The following ZEB2 variants were observed in gnomAD, a reference collection of about 807,000 sequenced individuals.
ZEB2 encodes zinc finger E-box-binding homeobox 2.
Under a neutral mutation model 99.9 loss-of-function variants are expected in ZEB2, and 6 were observed. The ratio of observed to expected loss-of-function variants is 0.06; its 90% CI spans 0.03 to 0.12. The LOEUF (loss-of-function observed/expected upper bound fraction) is 0.12, where lower values mean the gene tolerates loss of function less well. Among genes scored for constraint, ZEB2 ranks in the 10% least tolerant of loss-of-function variants. The probability of loss-of-function intolerance (pLI) is 1.00; values close to 1 mark genes in which losing one functional copy is unlikely to be tolerated. For synonymous variants in ZEB2, 517 were observed against 542.5 expected (o/e 0.95, Z 0.65); for missense variants, 969 against 1,502.8 (o/e 0.64, Z 5.87).
intron 2 of ZEB2, among the ~76,000 whole-genome samples, chr2:144,485,484 T>C (rs1344599748): frequency 6.6e-6 from 1 of 152,204 alleles, no homozygotes; most frequent in Non-Finnish European, 1.5e-5. Flanking sequence ...TTACCTATGC[T>C]AGTGTTTGGA....
At position 144,385,653 on chromosome 2, in the gene ZEB2, G is replaced by A. The variant is rs1439271694; in HGVS notation, c.*3798C>T. On this transcript the variant is annotated 3_prime_UTR_variant, in exon 10 of 10. Transcript: ENST00000627532. ...CAGATATACACACACTTGTTTGTGT[G>A]TATATCCAGGGCCCTACAGCCCCTG... The A allele has an allele frequency of 6.6e-6, 1 of 152,050 alleles. No individual in the cohort carries two copies. Among genetic ancestry groups the A allele is most frequent in the Non-Finnish European group, 1.5e-5 (1 of 68,000 alleles). 9.4% of individuals were successfully genotyped at this position (152,050 alleles called of 1,614,324 possible).
intron 2 of ZEB2, among the ~76,000 whole-genome samples, chr2:144,460,397 G>T (rs1704176307): frequency 6.6e-6 from 1 of 150,882 alleles, no homozygotes; most frequent in East Asian, 1.9e-4. Context: ...TTTATTTTTT[G>T]GTCATCCATT....
intron 2 of ZEB2, among the ~76,000 whole-genome samples, chr2:144,477,663 T>C (rs1704448909): frequency 6.6e-6 from 1 of 152,248 alleles, no homozygotes; most frequent in Non-Finnish European, 1.5e-5. Flanking sequence ...ATTCTTCAGC[T>C]ACTTTTGAGT....
rs189392840 is a variant in ZEB2, at chr2:144,469,498, C to G, written c.74-39472G>C. On this transcript the variant is annotated intron_variant, in intron 2 of 9. Coordinates refer to ENST00000627532, the MANE Select transcript of ZEB2 (RefSeq NM_014795.4). ...ACTATTCATACAATTCTACACCTAG[C>G]CCATAACAGGCTTTTTTTCCCTTAA... Among the ~76,000 whole-genome samples, 5 of 152,248 alleles carry G rather than the reference C, an allele frequency of 3.3e-5. No homozygotes were observed. The East Asian group carries it at 9.7e-4, about 29-fold the overall frequency.
rs567229506 is a variant in ZEB2 at position 144,389,415 on chromosome 2, G to GA, written c.*35dup. ...TTTCAAGCAGGTAACAATACTACTG[G>GA]AAAAAAAAATAGGAAGCTTAAAATG... On this transcript the variant is annotated 3_prime_UTR_variant, in exon 10 of 10. Transcript: ENST00000627532. The surrounding 1 kb of genome is among the most constrained non-coding windows in gnomAD (Gnocchi z 6.8). The GA allele has an allele frequency of 3.7e-4, 589 of 1,574,642 alleles. No individual in the cohort carries two copies. The highest frequency in any genetic ancestry group is 1.7e-3 in the East Asian group (74 of 44,586).
Position 144,395,372 on chromosome 2 carries a change from C to G in ZEB2, c.3067+1040G>C, listed in dbSNP as rs562219911. On this transcript the variant is annotated intron_variant, in intron 9 of 9. Transcript: ENST00000627532. Reference sequence around the variant, plus strand: ...GCTTTTCCCCCAAAAAGCTTTCCCCCCAAAGTGCTAGTTTTTTTTCCTCCA... The same window carrying G: ...GCTTTTCCCCCAAAAAGCTTTCCCCGCAAAGTGCTAGTTTTTTTTCCTCCA... Among the ~76,000 whole-genome samples the G allele has an allele frequency of 2.5e-4, 38 of 152,076 alleles. 1 individual carries two copies. Among genetic ancestry groups the G allele is most frequent in the Admixed American group, 1.9e-3 (29 of 15,278 alleles).
intron 2 of ZEB2, among the ~76,000 whole-genome samples, chr2:144,464,535 C>T (rs1333771676): frequency 1.3e-5 from 2 of 152,086 alleles, no homozygotes; most frequent in Non-Finnish European, 2.9e-5. Flanking sequence ...CAATCATTAG[C>T]TCAGCTATAA....
At chr2:144,425,008 T>G (rs1039574276) in intron 3 of ZEB2, 141 bp from the exon 4 acceptor site, 2 of 816,846 alleles carry the variant, frequency 2.4e-6, no homozygotes, top group African/African-American at 3.4e-5. Flanking sequence ...AATAGCTTTG[T>G]TCAGGCAATT....
At chr2:144,406,899 G>A (rs2149880610) in intron 4 of ZEB2, among the ~76,000 whole-genome samples, 1 of 152,298 alleles carries the variant, frequency 6.6e-6, no homozygotes, top group Middle Eastern at 3.4e-3. Context: ...AGGAATTGAT[G>A]ATGGAGATGA....
intron 2 of ZEB2, among the ~76,000 whole-genome samples, chr2:144,502,313 A>G (rs559281824): frequency 6.6e-5 from 10 of 152,342 alleles, no homozygotes; most frequent in Non-Finnish European, 1.5e-5. Flanking sequence ...ATAATGAAAA[A>G]GGAGTATTCT....
intron 2 of ZEB2, chr2:144,514,469 T>G (rs1259540778): frequency 6.6e-6 from 1 of 152,254 alleles, no homozygotes; most frequent in East Asian, 1.9e-4. Flanking sequence ...TCATCATATT[T>G]AGTGTTATCA....
chr2:144,492,689 T>C (rs1478387012), intron 2 of ZEB2, among the ~76,000 whole-genome samples: 1 of 152,132 alleles, frequency 6.6e-6, no homozygotes, highest in Non-Finnish European at 1.5e-5. Flanking sequence ...TTGATTTAAA[T>C]ACAAACTAAA....
Position 144,403,864 on chromosome 2 carries a change from G to T in ZEB2, c.807+52C>A. 2.5e-6 allele frequency: 4 copies of T among 1,602,950 alleles called. No homozygotes were observed. The East Asian group carries it at 6.7e-5, about 27-fold the overall frequency. On this transcript the variant is annotated intron_variant, in intron 6 of 9. Coordinates refer to ENST00000627532, the MANE Select transcript of ZEB2 (RefSeq NM_014795.4). ...AATGATTGCCAATCAAAGCAATATC[G>T]TTTCTCTAAGGGGTTATTATAGAAA...
At position 144,388,748 on chromosome 2, in the gene ZEB2, T is replaced by G; in HGVS notation, c.*703A>C. On this transcript the variant is annotated 3_prime_UTR_variant, in exon 10 of 10. Transcript: ENST00000627532. This position sits in a 1 kb window ranked among gnomAD's most constrained non-coding sequence, Gnocchi z 5.4. ...GGATGGCACTTGCAGAAACACAGAT[T>G]AAAAGGTTTGCATATAAGGCTTTTA... The G allele has an allele frequency of 2.6e-6, 1 of 388,408 alleles. No homozygotes were observed. The highest frequency in any genetic ancestry group is 5.0e-6 in the Non-Finnish European group (1 of 198,372). The allele number at this position is 388,408 out of a possible 1,614,324, so 24.1% of individuals were successfully genotyped here.
intron 2 of ZEB2, among the ~76,000 whole-genome samples, chr2:144,431,395 A>ATT (rs113931533): frequency 1.4e-5 from 2 of 146,800 alleles, no homozygotes; most frequent in Non-Finnish European, 3.0e-5. Flanking sequence ...AAAGAGAGAG[A>ATT]TTTTTTTTTT....
At position 144,517,523 on chromosome 2, in the gene ZEB2, G is replaced by A. The variant is rs1705177692; in HGVS notation, c.-69-104C>T. On this transcript the variant is annotated intron_variant, in intron 1 of 9. Transcript: ENST00000627532. ...CCAGGGCCCCGGCGAGCACCCATCCGCGCCCCCCAACGCCAAAGCGAAACT... is the reference window on the plus strand; with the variant it reads ...CCAGGGCCCCGGCGAGCACCCATCCACGCCCCCCAACGCCAAAGCGAAACT... 5 of 760,628 alleles carry A rather than the reference G, an allele frequency of 6.6e-6. 1 individual carries two copies. The highest frequency in any genetic ancestry group is 4.4e-5 in the South Asian group (3 of 68,596). The allele number at this position is 760,628 out of a possible 1,614,324, so 47.1% of individuals were successfully genotyped here.
chr2:144,456,043 C>T (rs574387859), intron 2 of ZEB2, among the ~76,000 whole-genome samples: 32 of 152,064 alleles, frequency 2.1e-4, no homozygotes, highest in African/African-American at 7.5e-4. Context: ...TTAAAGATGG[C>T]GAACTCAGAG....
chr2:144,456,769 G>A lies in ZEB2; in HGVS notation c.74-26743C>T, dbSNP rs1198387381. ...TGGCCAGGGCTTAAGCTCTGGTACT[G>A]TATGAGTATGCAAACAAGCAGATTT... On this transcript the variant is annotated intron_variant, in intron 2 of 9. Coordinates refer to ENST00000627532, the MANE Select transcript of ZEB2 (RefSeq NM_014795.4). Among the ~76,000 whole-genome samples the A allele has an allele frequency of 2.6e-5, 4 of 152,060 alleles. No individual in the cohort carries two copies. In the South Asian group the frequency reaches 6.2e-4, roughly 24 times the overall value.
chr2:144,431,158 C>T (rs546732494), intron 2 of ZEB2: 3 of 152,096 alleles, frequency 2.0e-5, no homozygotes, highest in Non-Finnish European at 4.4e-5. Context: ...GATTTCTCTG[C>T]GCCTAATAAA....
Sources: gnomAD v4.1 joint callset for allele counts (sites outside exome capture counted in the v4.1 genomes callset) on GRCh38, gnomAD v4.1.1 for gene constraint, Gnocchi (gnomAD v3.1) non-coding constraint, MANE v1.5 for transcripts, NCBI Gene and HGNC (gene_info 2026-07-23, HGNC 2026-07-21) for gene names.